Variants in MYRIP observed in about 807,000 individuals in gnomAD.
MYRIP encodes myosin VIIA and Rab interacting protein.
A neutral mutation model predicts 98.0 loss-of-function variants in MYRIP; 49 were observed. The ratio of observed to expected loss-of-function variants is 0.50; its 90% CI spans 0.40 to 0.63. The LOEUF is 0.63. MYRIP is among the 30% of genes least tolerant of loss of function. The pLI is 0.00. For synonymous variants in MYRIP, 404 were observed against 409.5 expected, an observed-to-expected ratio of 0.99 and a Z score of 0.16; for missense variants, 1,004 against 1,058.2, an observed-to-expected ratio of 0.95 and a Z score of 0.71.
chr3:40,115,115 T>A (rs1252657739), intron 3 of MYRIP, among the ~76,000 whole-genome samples: 2 of 152,018 alleles, frequency 1.3e-5, no homozygotes, highest in Non-Finnish European at 2.9e-5. Context: ...TATGATAATA[T>A]CTCCAAGCCC....
In MYRIP at chr3:40,234,031, A is replaced by G. The variant is rs1490159158; in HGVS notation, c.2078A>G (p.Gln693Arg). ...RGTDQVRLDE[Q>R]LTSLEENVYL... The stretch of plus-strand genomic sequence containing the variant: ...ACAGACCAAGTGAGACTGGATGAGC[A>G]GCTGACTTCCCTGGAAGAAAATGTA... The change falls in exon 12 of 17, where the codon CAG becomes CGG. Residue 693 changes from glutamine to arginine, a missense_variant. Gln to Arg is a conservative substitution (Grantham distance 43). This residue lies in a region of MYRIP where 880 missense variants were observed against 907.7 expected (regional missense o/e 0.97). Coordinates refer to ENST00000302541, the MANE Select transcript of MYRIP (RefSeq NM_015460.4). The G allele has an allele frequency of 6.2e-7, 1 of 1,604,888 alleles. No individual in the cohort carries two copies. Among genetic ancestry groups the G allele is most frequent in the South Asian group, 1.1e-5 (1 of 88,958 alleles).
chr3:39,994,440 G>C (rs1946279046), intron 2 of MYRIP, among the ~76,000 whole-genome samples: 1 of 152,230 alleles, frequency 6.6e-6, no homozygotes, highest in Non-Finnish European at 1.5e-5. Flanking sequence ...CTCGCTCATT[G>C]CTAGCACAGC....
At chr3:40,100,572 A>G (rs1398864721) in intron 3 of MYRIP, among the ~76,000 whole-genome samples, 1 of 152,252 alleles carries the variant, frequency 6.6e-6, no homozygotes, top group Admixed American at 6.5e-5. Flanking sequence ...TTTTATTGAT[A>G]AAACAGAAAC....
intron 3 of MYRIP, among the ~76,000 whole-genome samples, chr3:40,050,114 G>GCTAA (rs1372281870): frequency 6.6e-6 from 1 of 152,150 alleles, no homozygotes; most frequent in Non-Finnish European, 1.5e-5. Context: ...AGAAGATCTA[G>GCTAA]CTAAGATCAT....
intron 3 of MYRIP, among the ~76,000 whole-genome samples, chr3:40,046,127 TG>T (rs1001072198): frequency 6.6e-6 from 1 of 152,062 alleles, no homozygotes; most frequent in Non-Finnish European, 1.5e-5. Context: ...ATCAGGATAG[TG>T]GCCACAGTAT....
intron 2 of MYRIP, among the ~76,000 whole-genome samples, chr3:39,933,833 A>G (rs1210008572): frequency 6.6e-6 from 1 of 152,198 alleles, no homozygotes; most frequent in Non-Finnish European, 1.5e-5. Context: ...TATATTTTTT[A>G]TAGATAAAGA....
chr3:40,227,731 G>A (rs974855872), intron 11 of MYRIP, among the ~76,000 whole-genome samples: 1 of 152,190 alleles, frequency 6.6e-6, no homozygotes, highest in African/African-American at 2.4e-5. Flanking sequence ...GCACTCACCA[G>A]CATTGTGCCC....
At chr3:39,900,313 G>T (rs1201910742) in intron 1 of MYRIP, among the ~76,000 whole-genome samples, 1 of 151,398 alleles carries the variant, frequency 6.6e-6, no homozygotes, top group Non-Finnish European at 1.5e-5. Context: ...AAAACTTTAA[G>T]GGATATATTA....
chr3:40,234,898 C>A (rs143334151), intron 12 of MYRIP, among the ~76,000 whole-genome samples: 1 of 151,538 alleles, frequency 6.6e-6, no homozygotes, highest in African/African-American at 2.4e-5. Flanking sequence ...GGAGGCTGAC[C>A]CAGGAAATCG....
At chr3:39,871,572 A>G (rs1870366) in intron 1 of MYRIP, among the ~76,000 whole-genome samples, 50,475 of 151,906 alleles carry the variant, frequency 0.33, 8,548 homozygotes, top group Middle Eastern at 0.47. Flanking sequence ...CTTTCGACTC[A>G]ATTTCTCTCA....
intron 2 of MYRIP, among the ~76,000 whole-genome samples, chr3:39,972,466 T>G (rs183726867): frequency 3.3e-5 from 5 of 152,232 alleles, no homozygotes; most frequent in African/African-American, 9.6e-5. Context: ...AACTAAACTT[T>G]GTTATGATTC....
intron 3 of MYRIP, among the ~76,000 whole-genome samples, chr3:40,129,611 A>T (rs1286984565): frequency 6.6e-6 from 1 of 152,150 alleles, no homozygotes; most frequent in Non-Finnish European, 1.5e-5. Context: ...CTTCTAGGCC[A>T]TGCCCACGCT....
chr3:40,031,422 C>T (rs2125818523), intron 2 of MYRIP, among the ~76,000 whole-genome samples: 1 of 152,178 alleles, frequency 6.6e-6, no homozygotes, highest in African/African-American at 2.4e-5. Flanking sequence ...CAGTGGGAAA[C>T]AGGGCTCTAG....
rs186866094 is a variant in MYRIP at position 40,224,164 on chromosome 3, G to A, written c.1906-9695G>A. Among the ~76,000 whole-genome samples, 482 of 152,132 alleles carry A rather than the reference G, an allele frequency of 3.2e-3. 3 individuals are homozygous for A. Among genetic ancestry groups the A allele is most frequent in the African/African-American group, 9.7e-3 (403 of 41,496 alleles). On this transcript the variant is annotated intron_variant, in intron 11 of 16. Transcript: ENST00000302541. ...CCAGGTGGGCCATGCAGAAAGCTTC[G>A]GTTTATATTCTGGTGAGGTAGAAAG...
chr3:39,987,809 AT>A (rs765714198), intron 2 of MYRIP, among the ~76,000 whole-genome samples: 1 of 151,932 alleles, frequency 6.6e-6, no homozygotes, highest in Non-Finnish European at 1.5e-5. Flanking sequence ...TGGGTTGAAA[AT>A]TTTTTTCTTT....
At chr3:39,946,608 A>G (rs1944909522) in intron 2 of MYRIP, among the ~76,000 whole-genome samples, 2 of 152,160 alleles carry the variant, frequency 1.3e-5, no homozygotes, top group African/African-American at 4.8e-5. Flanking sequence ...CAACAGCTGG[A>G]AGACAGCAGA....
At chr3:39,883,446 A>T (rs979722247) in intron 1 of MYRIP, among the ~76,000 whole-genome samples, 2 of 152,196 alleles carry the variant, frequency 1.3e-5, no homozygotes, top group Non-Finnish European at 2.9e-5. Context: ...AATGGAAAAC[A>T]TAACAGACCT....
At chr3:40,012,640 A>G (rs1438327521) in intron 2 of MYRIP, among the ~76,000 whole-genome samples, 2 of 152,222 alleles carry the variant, frequency 1.3e-5, no homozygotes, top group African/African-American at 4.8e-5. Context: ...GCATCATCCA[A>G]TCCACTGAGG....
chr3:40,083,669 G>A (rs1252664585), intron 3 of MYRIP, among the ~76,000 whole-genome samples: 1 of 152,002 alleles, frequency 6.6e-6, no homozygotes, highest in Non-Finnish European at 1.5e-5. Flanking sequence ...AAAGCACATA[G>A]AAACAATGCA....
Sources: allele counts gnomAD v4.1 joint callset (sites outside exome capture counted in the v4.1 genomes callset), GRCh38; gene constraint gnomAD v4.1.1; regional missense constraint gnomAD v4.1.1; transcripts MANE v1.5; gene names NCBI Gene and HGNC (gene_info 2026-07-23, HGNC 2026-07-21).